Variants in SPATS2 observed in about 807,000 individuals in gnomAD.
The protein encoded by SPATS2 is spermatogenesis associated serine rich 2.
Under a neutral mutation model 63.7 loss-of-function variants are expected in SPATS2, and 38 were observed. That is an observed-to-expected ratio of 0.60 (90% CI 0.46 to 0.78). The LOEUF (loss-of-function observed/expected upper bound fraction) is 0.78. Ranked by LOEUF, SPATS2 falls within the 30% of genes least tolerant of loss-of-function variation. The pLI is 0.00. For missense variants in SPATS2, 588 were observed against 666.2 expected (o/e 0.88, Z 1.29); for synonymous variants, 207 against 232.9 (o/e 0.89, Z 1.01).
intron 2 of SPATS2, among the ~76,000 whole-genome samples, chr12:49,431,199 G>A (rs960665502): frequency 2.6e-5 from 4 of 151,954 alleles, no homozygotes; most frequent in Non-Finnish European, 4.4e-5. Context: ...GCAAACCAGT[G>A]CAAATACATT....
intron 3 of SPATS2, chr12:49,462,413 A>G: frequency 1.4e-6 from 1 of 702,338 alleles, no homozygotes; most frequent in Non-Finnish European, 2.6e-6. Context: ...GTGACCCCCG[A>G]AGCTCCAGAG....
chr12:49,497,069 G>T (rs1946475603), intron 8 of SPATS2, 60 bp downstream of exon 8: 1 of 1,452,480 alleles, frequency 6.9e-7, no homozygotes, highest in South Asian at 1.4e-5. Context: ...GCTAAAGAGG[G>T]CAAATTATCT....
chr12:49,369,317 G>A (rs556360149), intron 1 of SPATS2, among the ~76,000 whole-genome samples: 11 of 152,114 alleles, frequency 7.2e-5, no homozygotes, highest in Admixed American at 2.0e-4. Context: ...GTGAGCCACC[G>A]CAGCCTAATG....
intron 9 of SPATS2, 125 bp downstream of exon 9, chr12:49,500,330 C>G: frequency 1.8e-6 from 2 of 1,111,410 alleles, no homozygotes; most frequent in South Asian, 3.7e-5. Flanking sequence ...CTTATAAATC[C>G]TATGGTATAT....
At chr12:49,489,633 A>G (rs1946351747) in intron 5 of SPATS2, 60 bp downstream of exon 5, 3 of 1,419,744 alleles carry the variant, frequency 2.1e-6, no homozygotes, top group African/African-American at 1.4e-5. Flanking sequence ...TTTGCTTCAG[A>G]CTTTTATAAC....
At chr12:49,402,122 A>G (rs918371184) in intron 2 of SPATS2, among the ~76,000 whole-genome samples, 1 of 152,168 alleles carries the variant, frequency 6.6e-6, no homozygotes, top group Non-Finnish European at 1.5e-5. Context: ...GAGTATAGGC[A>G]TGCACCACCA....
chr12:49,470,625 T>C (rs1223458583), intron 3 of SPATS2, among the ~76,000 whole-genome samples: 1 of 152,200 alleles, frequency 6.6e-6, no homozygotes, highest in African/African-American at 2.4e-5. Context: ...ATGTACCTTC[T>C]GGTTCTTATC....
At chr12:49,441,805 A>C (rs1396687734) in intron 2 of SPATS2, 1 of 152,220 alleles carries the variant, frequency 6.6e-6, no homozygotes, top group Non-Finnish European at 1.5e-5. Flanking sequence ...TCAGATGTTG[A>C]TAAGCCGTTA....
In SPATS2 at chr12:49,514,648, T is replaced by G; in HGVS notation, c.898+35T>G. 3 of 1,598,452 alleles carry G rather than the reference T, an allele frequency of 1.9e-6. No individual in the cohort carries two copies. The South Asian group carries it at 3.4e-5, about 18-fold the overall frequency. ...TTGATCTTTAATTAAAGCTATTACC[T>G]TCATAAATAGTAGGTACCTACTTCC... On this transcript the variant is annotated intron_variant, in intron 10 of 13. Coordinates refer to ENST00000552918, the MANE Select transcript of SPATS2 (RefSeq NM_023071.4).
intron 12 of SPATS2, among the ~76,000 whole-genome samples, chr12:49,523,358 G>A (rs556154682): frequency 2.1e-5 from 3 of 142,184 alleles, no homozygotes; most frequent in South Asian, 5.0e-4. Flanking sequence ...GCACATGCTT[G>A]TAGTCCTAGC....
At chr12:49,391,340 C>T (rs1292281336) in intron 2 of SPATS2, among the ~76,000 whole-genome samples, 5 of 152,106 alleles carry the variant, frequency 3.3e-5, no homozygotes, top group African/African-American at 7.2e-5. Flanking sequence ...GGTGAAACCC[C>T]GTCCCTACTA....
At chr12:49,464,690 C>G (rs1291950895) in intron 3 of SPATS2, among the ~76,000 whole-genome samples, 2 of 148,216 alleles carry the variant, frequency 1.3e-5, no homozygotes, top group African/African-American at 4.9e-5. Flanking sequence ...GCCAATTATA[C>G]TGACACATGC....
chr12:49,455,772 C>G (rs1945709193), intron 2 of SPATS2, among the ~76,000 whole-genome samples: 1 of 152,162 alleles, frequency 6.6e-6, no homozygotes, highest in Non-Finnish European at 1.5e-5. Flanking sequence ...CAGGCACATG[C>G]CACCATGCCC....
intron 5 of SPATS2, among the ~76,000 whole-genome samples, chr12:49,489,908 G>C (rs907821173): frequency 2.0e-5 from 3 of 152,204 alleles, no homozygotes; most frequent in Admixed American, 2.0e-4. Flanking sequence ...CAGTGATTCA[G>C]TGGCTCACCA....
At chr12:49,393,740 A>G (rs1290973462) in intron 2 of SPATS2, among the ~76,000 whole-genome samples, 1 of 152,140 alleles carries the variant, frequency 6.6e-6, no homozygotes, top group Non-Finnish European at 1.5e-5. Flanking sequence ...TGTCCTTTTG[A>G]TGTGACCCCA....
At chr12:49,479,163 G>T (rs1946165345) in intron 3 of SPATS2, among the ~76,000 whole-genome samples, 1 of 152,232 alleles carries the variant, frequency 6.6e-6, no homozygotes, top group Admixed American at 6.5e-5. Flanking sequence ...AGGGGAGAAA[G>T]TGCGTGCCAG....
At chr12:49,513,458 A>C (rs1341272848) in intron 9 of SPATS2, among the ~76,000 whole-genome samples, 1 of 152,194 alleles carries the variant, frequency 6.6e-6, no homozygotes, top group Admixed American at 6.5e-5. Context: ...GTTGAATACT[A>C]GGGTACTACT....
At chr12:49,467,627 A>G (rs1440496745) in intron 3 of SPATS2, among the ~76,000 whole-genome samples, 2 of 152,190 alleles carry the variant, frequency 1.3e-5, no homozygotes, top group East Asian at 1.9e-4. Context: ...GTATCTGACT[A>G]TATATCAGAA....
chr12:49,471,229 C>T (rs149301844), intron 3 of SPATS2, among the ~76,000 whole-genome samples: 286 of 152,252 alleles, frequency 1.9e-3, no homozygotes, highest in African/African-American at 6.3e-3. Flanking sequence ...CTCATTAATG[C>T]CAGCTGCTGT....
Sources: gnomAD v4.1 joint callset for allele counts (sites outside exome capture counted in the v4.1 genomes callset) on GRCh38, gnomAD v4.1.1 for gene constraint, MANE v1.5 for transcripts, NCBI Gene and HGNC (gene_info 2026-07-23, HGNC 2026-07-21) for gene names.